PRDM5: variants seen among roughly 807,000 people sequenced by gnomAD.
The protein encoded by PRDM5 is PR/SET domain 5.
Under a neutral mutation model 81.2 loss-of-function variants are expected in PRDM5, and 56 were observed. That is an observed-to-expected ratio of 0.69 (90% CI 0.56 to 0.86). The LOEUF is 0.86. Ranked by LOEUF, PRDM5 falls within the 40% of genes least tolerant of loss-of-function variation. The pLI, the probability that PRDM5 is intolerant of heterozygous loss-of-function variation, is 0.00. For synonymous variants in PRDM5, 267 were observed against 256.4 expected, an observed-to-expected ratio of 1.04 and a Z score of -0.39; for missense variants, 697 against 770.1, an observed-to-expected ratio of 0.91 and a Z score of 1.12.
intron 8 of PRDM5, 135 bp from the exon 9 acceptor site, chr4:120,799,880 TG>T (rs1416895790): frequency 1.4e-6 from 2 of 1,448,770 alleles, no homozygotes; most frequent in African/African-American, 1.4e-5. Flanking sequence ...AGCCCTAATT[TG>T]TTCACACTAA....
At chr4:120,696,177 T>C (rs1734498211) in intron 15 of PRDM5, among the ~76,000 whole-genome samples, 1 of 152,064 alleles carries the variant, frequency 6.6e-6, no homozygotes, top group South Asian at 2.1e-4. Flanking sequence ...AATCCAATAA[T>C]AATGAATTTT....
Position 120,818,524 on chromosome 4 carries a change from C to A in PRDM5, c.479G>T (p.Arg160Leu), listed in dbSNP as rs781674958. The change falls in exon 5 of 16, where the codon CGC becomes CTC. Residue 160 changes from arginine to leucine, a missense_variant. Physicochemically the swap from Arg to Leu is moderately radical, Grantham distance 102. This residue lies in a region of PRDM5 where 577 missense variants were observed against 606.7 expected (regional missense o/e 0.95). Transcript: ENST00000264808. ...RRQSTAGRKD[R>L]LGCKEDYACP... ...AGCATAGTCCTCTTTACAGCCAAGG[C>A]GATCTGCACATTCACAAGGAAACAT... is the stretch of plus-strand genomic sequence containing the variant. 6.2e-7 allele frequency: 1 copy of A among 1,611,812 alleles called. No homozygotes were observed.
Position 120,858,586 on chromosome 4 carries a change from C to T in PRDM5, c.178-5046G>A, listed in dbSNP as rs536186552. Reference sequence around the variant, plus strand: ...TTATGAACGCGTGCGTGCGCGCGCACGCACGCACACACACACACACCATTG... The same window carrying T: ...TTATGAACGCGTGCGTGCGCGCGCATGCACGCACACACACACACACCATTG... On this transcript the variant is annotated intron_variant, in intron 2 of 15. Transcript: ENST00000264808. 1.7e-4 allele frequency among the ~76,000 whole-genome samples: 25 copies of T among 148,610 alleles called. No homozygotes were observed. The South Asian group carries it at 2.1e-3, about 13-fold the overall frequency.
At chr4:120,708,318 ATGACC>A (rs1421907116) in intron 15 of PRDM5, among the ~76,000 whole-genome samples, 6 of 152,138 alleles carry the variant, frequency 3.9e-5, no homozygotes, top group Non-Finnish European at 5.9e-5. Context: ...ATAAAAAGGA[ATGACC>A]TACTGATACA....
At chr4:120,871,087 T>G (rs1761737967) in intron 2 of PRDM5, among the ~76,000 whole-genome samples, 1 of 152,166 alleles carries the variant, frequency 6.6e-6, no homozygotes, top group South Asian at 2.1e-4. Context: ...AAGAGGGAAC[T>G]CTCTAGGCTG....
intron 8 of PRDM5, among the ~76,000 whole-genome samples, chr4:120,803,618 G>T (rs1302927016): frequency 1.3e-5 from 2 of 152,122 alleles, no homozygotes; most frequent in Non-Finnish European, 2.9e-5. Context: ...CTTCATAGGT[G>T]AAGGAGAAAT....
intron 2 of PRDM5, among the ~76,000 whole-genome samples, chr4:120,891,057 T>C (rs947021071): frequency 1.3e-5 from 2 of 152,206 alleles, no homozygotes; most frequent in African/African-American, 4.8e-5. Flanking sequence ...AGGGCCTATG[T>C]CCAGAATGAA....
intron 2 of PRDM5, among the ~76,000 whole-genome samples, chr4:120,900,366 C>G (rs551713266): frequency 6.6e-6 from 1 of 152,246 alleles, no homozygotes; most frequent in African/African-American, 2.4e-5. Flanking sequence ...ACAAAAAACA[C>G]TCTTATACTC....
At chr4:120,906,037 T>C (rs982947212) in intron 2 of PRDM5, among the ~76,000 whole-genome samples, 3 of 152,152 alleles carry the variant, frequency 2.0e-5, no homozygotes, top group Admixed American at 6.5e-5. Context: ...AGTGGCAAGA[T>C]CATAGTTCAC....
intron 8 of PRDM5, among the ~76,000 whole-genome samples, chr4:120,804,962 A>G (rs918772600): frequency 3.3e-5 from 5 of 152,172 alleles, no homozygotes; most frequent in African/African-American, 1.2e-4. Context: ...AGCAAGACTA[A>G]TAAAGAAGAA....
At chr4:120,689,334 A>G (rs1390559), downstream of PRDM5, among the ~76,000 whole-genome samples, 6,695 of 152,226 alleles carry the variant, frequency 0.044, 264 homozygotes, top group African/African-American at 0.11. Context: ...CTGAAACAAC[A>G]TAAGAGATGG....
intron 15 of PRDM5, among the ~76,000 whole-genome samples, chr4:120,703,805 G>A (rs1735724077): frequency 6.6e-6 from 1 of 152,118 alleles, no homozygotes; most frequent in African/African-American, 2.4e-5. Context: ...AACCCAGACA[G>A]TCTGGGTTCA....
rs542980240 is a variant in PRDM5, at chr4:120,805,240, A to G, written c.946-5495T>C. ...TACCAACCAAAAAAAGTCCAAGACC[A>G]GACGGATTCACAGCCGAATTCTACC... On this transcript the variant is annotated intron_variant, in intron 8 of 15. Transcript: ENST00000264808. Among the ~76,000 whole-genome samples, 127 of 152,332 alleles carry G rather than the reference A, an allele frequency of 8.3e-4. 1 individual carries two copies. Among genetic ancestry groups the G allele is most frequent in the African/African-American group, 2.9e-3 (121 of 41,574 alleles).
chr4:120,713,160 T>G (rs1737248064), intron 14 of PRDM5, among the ~76,000 whole-genome samples: 3 of 152,340 alleles, frequency 2.0e-5, no homozygotes, highest in African/African-American at 7.2e-5. Context: ...ATTATGCTAT[T>G]GGAAAATAGA....
chr4:120,859,293 C>T (rs1467878806), intron 2 of PRDM5, among the ~76,000 whole-genome samples: 1 of 151,922 alleles, frequency 6.6e-6, no homozygotes, highest in Admixed American at 6.6e-5. Context: ...TCACTGCAGC[C>T]TCAACTTCCT....
chr4:120,887,716 T>C (rs997059827), intron 2 of PRDM5, among the ~76,000 whole-genome samples: 2 of 152,152 alleles, frequency 1.3e-5, no homozygotes, highest in African/African-American at 4.8e-5. Context: ...GCCGCTACAC[T>C]TATTATTTAG....
Position 120,853,509 on chromosome 4 carries a change from A to C in PRDM5, c.209T>G (p.Ile70Ser). 6.2e-7 allele frequency: 1 copy of C among 1,613,764 alleles called. No homozygotes were observed. Among genetic ancestry groups the C allele is most frequent in the Non-Finnish European group, 8.5e-7 (1 of 1,179,726 alleles). ...VRGSKGEVLY[I>S]LDATNPRHSN... ...GTGCCGTGGGTTGGTAGCATCCAAA[A>C]TGTACAAAACTTCTCCCTTACTCCC... Residue 70 changes from isoleucine (I) to serine (S), a missense_variant, in exon 3 of 16, where the codon ATT becomes AGT. Physicochemically the swap from Ile to Ser is moderately radical, Grantham distance 142 (BLOSUM62 -2). Transcript: ENST00000264808.
intron 14 of PRDM5, among the ~76,000 whole-genome samples, chr4:120,726,020 C>T (rs1739353839): frequency 6.6e-6 from 1 of 152,134 alleles, no homozygotes; most frequent in South Asian, 2.1e-4. Flanking sequence ...ACACACTGCC[C>T]CACTGCGAAG....
intron 10 of PRDM5, among the ~76,000 whole-genome samples, chr4:120,795,940 C>G (rs1227713056): frequency 1.3e-5 from 2 of 151,972 alleles, no homozygotes; most frequent in African/African-American, 4.8e-5. Flanking sequence ...TCTGTATATG[C>G]TATCATAATC....
Sources: allele counts gnomAD v4.1 joint callset (sites outside exome capture counted in the v4.1 genomes callset), GRCh38; gene constraint gnomAD v4.1.1; regional missense constraint gnomAD v4.1.1; transcripts MANE v1.5; gene names NCBI Gene and HGNC (gene_info 2026-07-23, HGNC 2026-07-21).